Variants in TNC observed in about 807,000 individuals in gnomAD.
TNC encodes tenascin.
In TNC, 109 loss-of-function variants were observed where a neutral mutation model predicts 202.4. That is an observed-to-expected ratio of 0.54 (90% confidence interval 0.46 to 0.63). The LOEUF is 0.63. TNC is among the 30% of genes least tolerant of loss of function. TNC has a pLI of 0.00. For synonymous variants in TNC, 1,007 were observed against 1,089.7 expected, an observed-to-expected ratio of 0.92 and a Z score of 1.50; for missense variants, 2,756 against 2,833.3, an observed-to-expected ratio of 0.97 and a Z score of 0.62.
At chr9:115,028,359 C>T (rs542710537) in intron 25 of TNC, among the ~76,000 whole-genome samples, 64 of 152,134 alleles carry the variant, frequency 4.2e-4, no homozygotes, top group Non-Finnish European at 7.8e-4. Context: ...ACACCTTGCC[C>T]ACCCGGTGGC....
chr9:115,041,893 A>T (rs1030638593), intron 18 of TNC, among the ~76,000 whole-genome samples: 1 of 152,222 alleles, frequency 6.6e-6, no homozygotes, highest in African/African-American at 2.4e-5. Flanking sequence ...AGCTTTTCAG[A>T]TGAGTGTGCG....
intron 16 of TNC, among the ~76,000 whole-genome samples, chr9:115,047,973 C>A (rs972822871): frequency 6.6e-6 from 1 of 152,074 alleles, no homozygotes; most frequent in South Asian, 2.1e-4. Flanking sequence ...TCACAAGGGA[C>A]GATGATATGA....
intron 22 of TNC, among the ~76,000 whole-genome samples, chr9:115,033,338 G>T (rs1830086528): frequency 6.6e-6 from 1 of 152,142 alleles, no homozygotes; most frequent in African/African-American, 2.4e-5. Flanking sequence ...GTCCCTGGGG[G>T]AAAGATCAAC....
intron 13 of TNC, 103 bp from the exon 14 acceptor site, chr9:115,060,105 A>C: frequency 2.7e-6 from 3 of 1,105,664 alleles, no homozygotes; most frequent in Non-Finnish European, 3.6e-6. Flanking sequence ...GGGAAAGATA[A>C]TTTTTTTTTT....
intron 17 of TNC, among the ~76,000 whole-genome samples, chr9:115,044,487 A>G (rs1207575241): frequency 6.6e-6 from 1 of 151,496 alleles, no homozygotes; most frequent in Non-Finnish European, 1.5e-5. Flanking sequence ...AATCAAAGAG[A>G]GGGCTTTCCA....
At chr9:115,089,482 C>A (rs947512210) in intron 2 of TNC, among the ~76,000 whole-genome samples, 3 of 93,102 alleles carry the variant, frequency 3.2e-5, no homozygotes, top group African/African-American at 1.7e-4. Flanking sequence ...ATCCCTATCT[C>A]TCTCTCTCTC....
In TNC at chr9:115,040,928, CCCA is replaced by C. The variant is rs765291509; in HGVS notation, c.5392+10_5392+12del. 2 of 1,606,826 alleles carry C rather than the reference CCCA, an allele frequency of 1.2e-6. No homozygotes were observed. Among genetic ancestry groups the C allele is most frequent in the African/African-American group, 1.3e-5 (1 of 74,814 alleles). ...AGTAACACACACACACACACACAAC[CCCA>C]CCAACTCACCTGTGGTGAATGACCC... On this transcript the variant is annotated intron_variant, in intron 19 of 27. Transcript: ENST00000350763.
At position 115,084,331 on chromosome 9, in the gene TNC, A is replaced by G. The variant is rs763264754; in HGVS notation, c.2009T>C (p.Val670Ala). 1.2e-6 allele frequency: 2 copies of G among 1,614,074 alleles called. No individual in the cohort carries two copies. Among genetic ancestry groups the G allele is most frequent in the Non-Finnish European group, 1.7e-6 (2 of 1,180,032 alleles). The change falls in exon 4 of 28, where the codon GTG becomes GCG. Residue 670 changes from valine (V) to alanine (A), a missense_variant. Physicochemically the swap from Val to Ala is moderately conservative, Grantham distance 64. Coordinates refer to ENST00000350763, the MANE Select transcript of TNC (RefSeq NM_002160.4). ...GATGGTGGACGTCTGGTCCCCAGGC[A>G]CACGGAACTGCATTTCCAGACCACC... ...HEGGLEMQFR[V>A]PGDQTSTIIQ... is the part of the protein sequence containing the mutation.
At chr9:115,036,383 A>ATAC in intron 20 of TNC, 142 bp from the exon 21 acceptor site, 1 of 892,514 alleles carries the variant, frequency 1.1e-6, no homozygotes, top group Admixed American at 2.3e-5. Context: ...TTCTGAAATG[A>ATAC]CTCACGCTCT....
intron 1 of TNC, among the ~76,000 whole-genome samples, chr9:115,108,133 T>C (rs1836754519): frequency 6.6e-6 from 1 of 151,932 alleles, no homozygotes; most frequent in South Asian, 2.1e-4. Context: ...TAGAGCTAGG[T>C]TTTCCTTCCT....
At position 115,086,820 on chromosome 9, in the gene TNC, C is replaced by A. The variant is rs772048212; in HGVS notation, c.911G>T (p.Gly304Val). Residue 304 changes from glycine to valine, a missense_variant, in exon 3 of 28, where the codon GGT (glycine) becomes GTT (valine). Around this residue, in one of 2 missense-constraint regions of TNC, gnomAD observed 2,559 missense variants for 2,546.0 expected, o/e 1.01. Transcript: ENST00000350763. ...CVENECVCDEGFTGEDCSELI... is the reference protein window; with the variant it reads ...CVENECVCDEVFTGEDCSELI... ...CTCACTGCAGTCTTCGCCCGTGAAA[C>A]CCTCATCACACACGCACTCATTCTC... is the stretch of plus-strand genomic sequence containing the variant. The A allele has an allele frequency of 1.2e-6, 2 of 1,614,146 alleles. No homozygotes were observed. Among genetic ancestry groups the A allele is most frequent in the East Asian group, 4.5e-5 (2 of 44,878 alleles).
At chr9:115,115,671 T>G (rs1837409532) in intron 1 of TNC, among the ~76,000 whole-genome samples, 1 of 152,226 alleles carries the variant, frequency 6.6e-6, no homozygotes, top group South Asian at 2.1e-4. Context: ...CTCTTACTTC[T>G]GCTACAGATG....
In TNC at chr9:115,064,928, T is replaced by C; in HGVS notation, c.3215-9A>G. ...CAGCTCAGGGGCTTGTTCTGAATAA[T>C]GACAGAGATGGGGTCAGTTAAACTA... On this transcript the variant is annotated splice_polypyrimidine_tract_variant and intron_variant, in intron 10 of 27. Coordinates refer to ENST00000350763, the MANE Select transcript of TNC (RefSeq NM_002160.4). The C allele has an allele frequency of 1.9e-6, 3 of 1,609,956 alleles. No individual in the cohort carries two copies. The highest frequency in any genetic ancestry group is 2.2e-5 in the South Asian group (2 of 90,926).
intron 6 of TNC, among the ~76,000 whole-genome samples, chr9:115,081,450 A>G (rs999484236): frequency 6.6e-6 from 1 of 152,166 alleles, no homozygotes; most frequent in Non-Finnish European, 1.5e-5. Flanking sequence ...CTGTGTGAAC[A>G]GGACCAGCAT....
intron 17 of TNC, among the ~76,000 whole-genome samples, chr9:115,045,656 A>C (rs568216978): frequency 1.2e-4 from 17 of 141,762 alleles, no homozygotes; most frequent in African/African-American, 4.5e-4. Context: ...TGCTGGGATT[A>C]CAGGTGTGAG....
chr9:115,087,290 A>G lies in TNC; in HGVS notation c.458-17T>C. On this transcript the variant is annotated splice_polypyrimidine_tract_variant and intron_variant, in intron 2 of 27. Transcript: ENST00000350763. ...CCAAGCGGCCTGCAACAAAAGAAAC[A>G]GAAGTTCTCAGCCAGGCTTAAGCAG... The G allele has an allele frequency of 6.2e-7, 1 of 1,607,510 alleles. No individual in the cohort carries two copies. Among genetic ancestry groups the G allele is most frequent in the Non-Finnish European group, 8.5e-7 (1 of 1,174,984 alleles).
At chr9:115,077,844 T>C (rs1255255453) in intron 7 of TNC, 99 bp downstream of exon 7, 2 of 1,263,220 alleles carry the variant, frequency 1.6e-6, no homozygotes, top group East Asian at 2.4e-5. Context: ...TCATTTTTCG[T>C]ACTGTAAAAT....
At chr9:115,052,651 G>A in intron 15 of TNC, 1 of 622,994 alleles carries the variant, frequency 1.6e-6, no homozygotes, top group South Asian at 1.9e-5. Context: ...CATTTGCAGT[G>A]AAGATTGTAT....
At chr9:115,075,846 T>C (rs1344908609) in intron 9 of TNC, among the ~76,000 whole-genome samples, 186 bp downstream of exon 9, 1 of 152,220 alleles carries the variant, frequency 6.6e-6, no homozygotes, top group Non-Finnish European at 1.5e-5. Context: ...GGGATGATGT[T>C]GGCATCATAC....
Sources: gnomAD v4.1 joint callset for allele counts (sites outside exome capture counted in the v4.1 genomes callset) on GRCh38, gnomAD v4.1.1 for gene constraint, gnomAD v4.1.1 regional missense constraint, MANE v1.5 for transcripts, NCBI Gene and HGNC (gene_info 2026-07-23, HGNC 2026-07-21) for gene names.